The following SLC38A8 variants were observed in gnomAD, a reference collection of about 807,000 sequenced individuals.
SLC38A8 encodes the protein solute carrier family 38 member 8.
A neutral mutation model predicts 46.0 loss-of-function variants in SLC38A8; 65 were observed. The observed-to-expected ratio is 1.41, with a 90% CI of 1.16 to 1.74. The LOEUF (loss-of-function observed/expected upper bound fraction) is 1.74, where lower values mean the gene tolerates loss of function less well. Among genes scored for constraint, SLC38A8 ranks in the 40% most tolerant of loss-of-function variants. The pLI is 0.00. For missense variants in SLC38A8, 998 were observed against 567.9 expected (o/e 1.76, Z -7.70); for synonymous variants, 447 against 243.7 (o/e 1.83, Z -7.77).
chr16:84,017,210 T>C lies in SLC38A8; in HGVS notation c.883A>G (p.Ile295Val), dbSNP rs200861645. Residue 295 changes from isoleucine to valine, a missense_variant, in exon 8 of 11, where the codon ATC (isoleucine) becomes GTC (valine). Transcript: ENST00000299709. ...LMSYPGNDMV[I>V]IVARVLFAVS... is the part of the protein sequence containing the mutation. ...GCAAAAAGGACCCGGGCCACAATGA[T>C]GACCATATCATTGCCTGGGTAGGAC... The C allele has an allele frequency of 7.4e-6, 12 of 1,614,040 alleles. No homozygotes were observed. The highest frequency in any genetic ancestry group is 1.0e-5 in the Non-Finnish European group (12 of 1,180,006).
At chr16:84,036,669 C>T (rs2085302504) in intron 3 of SLC38A8, 33 bp downstream of exon 3, 1 of 1,612,310 alleles carries the variant, frequency 6.2e-7, no homozygotes, top group African/African-American at 1.3e-5. Flanking sequence ...GTCCGGCACC[C>T]TGGGCCACCC....
At chr16:84,021,403 C>G (rs1021097618) in intron 7 of SLC38A8, among the ~76,000 whole-genome samples, 1 of 152,216 alleles carries the variant, frequency 6.6e-6, no homozygotes, top group African/African-American at 2.4e-5. Context: ...ACAAAACCCT[C>G]AGGCATGGAC....
intron 4 of SLC38A8, among the ~76,000 whole-genome samples, chr16:84,033,067 C>G (rs945788407): frequency 6.6e-6 from 1 of 152,002 alleles, no homozygotes; most frequent in Non-Finnish European, 1.5e-5. Context: ...AGGCGTCTCT[C>G]TCTCTCTGCA....
intron 6 of SLC38A8, among the ~76,000 whole-genome samples, chr16:84,025,951 G>A (rs538812177): frequency 1.4e-4 from 22 of 152,316 alleles, no homozygotes; most frequent in Non-Finnish European, 4.4e-5. Flanking sequence ...AGCACTTGTG[G>A]GGCTCACCCC....
chr16:84,017,969 T>G (rs1474408070), intron 7 of SLC38A8, among the ~76,000 whole-genome samples: 1 of 152,202 alleles, frequency 6.6e-6, no homozygotes, highest in Non-Finnish European at 1.5e-5. Context: ...GGACCTCCTC[T>G]GCTGGGGAAG....
chr16:84,026,577 T>TA (rs1421967344), intron 6 of SLC38A8, among the ~76,000 whole-genome samples: 3 of 152,130 alleles, frequency 2.0e-5, no homozygotes, highest in Non-Finnish European at 2.9e-5. Context: ...GGGCAGGCAG[T>TA]ACCCAGGAGG....
At chr16:84,014,407 C>A (rs1357417443) in intron 9 of SLC38A8, among the ~76,000 whole-genome samples, 1 of 151,216 alleles carries the variant, frequency 6.6e-6, no homozygotes, top group South Asian at 2.1e-4. Flanking sequence ...CCGCTCAGAG[C>A]ATGCAGGAGC....
In SLC38A8 at chr16:84,036,862, C is replaced by T; in HGVS notation, c.228G>A (p.Leu76=). The T allele has an allele frequency of 1.2e-6, 2 of 1,613,332 alleles. No homozygotes were observed. Among genetic ancestry groups the T allele is most frequent in the Non-Finnish European group, 1.7e-6 (2 of 1,179,990 alleles). ...LVFLISGLVI[L]GYAAAVSGQA... ...GGCCACTGACAGCAGCAGCATAGCC[C>T]AGGATGACCAGCCCGCTGATCAGGA... The change falls in exon 3 of 11, where the codon CTG becomes CTA. Residue 76 remains leucine (L), a synonymous_variant. Transcript: ENST00000299709.
At chr16:84,022,537 C>T (rs2085106946) in intron 7 of SLC38A8, among the ~76,000 whole-genome samples, 1 of 152,182 alleles carries the variant, frequency 6.6e-6, no homozygotes, top group African/African-American at 2.4e-5. Context: ...GAGTTCAGGT[C>T]TCAGCTTTGC....
intron 5 of SLC38A8, among the ~76,000 whole-genome samples, chr16:84,030,473 C>G (rs114157239): frequency 6.6e-6 from 1 of 152,012 alleles, no homozygotes; most frequent in African/African-American, 2.4e-5. Flanking sequence ...CCTGCCAGCC[C>G]GGACCTCTCT....
At chr16:84,013,379 G>A (rs906908985) in intron 9 of SLC38A8, among the ~76,000 whole-genome samples, 4 of 151,210 alleles carry the variant, frequency 2.6e-5, no homozygotes, top group African/African-American at 9.7e-5. Flanking sequence ...CCCGGGAAGT[G>A]CTCGGCAACT....
At chr16:84,032,182 TGTTTTG>T (rs1013408226) in intron 4 of SLC38A8, among the ~76,000 whole-genome samples, 35 of 11,908 alleles carry the variant, frequency 2.9e-3, no homozygotes, top group South Asian at 0.011. Flanking sequence ...TTGTTGTTGT[TGTTTTG>T]TTGTTGTTGT....
chr16:84,035,335 C>T (rs1422931567), intron 3 of SLC38A8, among the ~76,000 whole-genome samples: 1 of 152,336 alleles, frequency 6.6e-6, no homozygotes, highest in South Asian at 2.1e-4. Context: ...CAAGACACAG[C>T]AGCCTTCAAT....
At chr16:84,022,660 A>C (rs567629581) in intron 7 of SLC38A8, 115 bp downstream of exon 7, 14 of 773,230 alleles carry the variant, frequency 1.8e-5, no homozygotes, top group South Asian at 3.4e-5. Context: ...AAGATGCTCA[A>C]AACATTGAGT....
intron 2 of SLC38A8, 55 bp from the exon 3 acceptor site, chr16:84,036,955 C>T: frequency 6.6e-7 from 1 of 1,509,982 alleles, no homozygotes; most frequent in Non-Finnish European, 8.9e-7. Context: ...CCACCCACCC[C>T]CAGCCAGCCA....
intron 2 of SLC38A8, among the ~76,000 whole-genome samples, chr16:84,038,862 A>T (rs2085333335): frequency 6.6e-6 from 1 of 152,224 alleles, no homozygotes; most frequent in African/African-American, 2.4e-5. Context: ...TTTTGCTAAA[A>T]GGCCATTGTC....
Position 84,036,868 on chromosome 16 carries a change from G to A in SLC38A8, c.222C>T (p.Val74=), listed in dbSNP as rs199627274. ...TGACAGCAGCAGCATAGCCCAGGAT[G>A]ACCAGCCCGCTGATCAGGAAGACCA... ...VSLVFLISGL[V]ILGYAAAVSG... is the part of the protein sequence containing the mutation. The change falls in exon 3 of 11, where the codon GTC becomes GTT. Residue 74 remains valine (V), a synonymous_variant. Transcript: ENST00000299709. 2 of 1,613,200 alleles carry A rather than the reference G, an allele frequency of 1.2e-6. No individual in the cohort carries two copies. Among genetic ancestry groups the A allele is most frequent in the East Asian group, 2.2e-5 (1 of 44,870 alleles).
rs199701593 is a variant in SLC38A8, at chr16:84,027,360, AAAAC to A, written c.690+2130_690+2133del. ...GCAAGTCTGCCACAAAAGCAAAATT[AAAAC>A]AAACAAACAAACAAACAAACAAACA... is the stretch of plus-strand genomic sequence containing the variant. On this transcript the variant is annotated intron_variant, in intron 6 of 10. Coordinates refer to ENST00000299709, the MANE Select transcript of SLC38A8 (RefSeq NM_001080442.3). Among the ~76,000 whole-genome samples the A allele has an allele frequency of 8.0e-3, 1,200 of 150,462 alleles. 13 individuals carry two copies. Among genetic ancestry groups the A allele is most frequent in the African/African-American group, 0.024 (946 of 39,950 alleles).
In SLC38A8 at chr16:84,042,266, G is replaced by C. The variant is rs966279222; in HGVS notation, c.-2-107C>G. ...CAACTCAGTGAGAGCTCCCTGAGCC[G>C]CTCCTGCCCGCTTCCTTGGCGTCAG... is the stretch of plus-strand genomic sequence containing the variant. On this transcript the variant is annotated intron_variant, in intron 1 of 10. Transcript: ENST00000299709. The C allele has an allele frequency of 2.2e-5, 27 of 1,202,858 alleles. 1 individual carries two copies. The African/African-American group carries it at 2.8e-4, about 12-fold the overall frequency. 74.5% of individuals were successfully genotyped at this position (1,202,858 alleles called of 1,614,324 possible).
Sources: gnomAD v4.1 joint callset for allele counts (sites outside exome capture counted in the v4.1 genomes callset) on GRCh38, gnomAD v4.1.1 for gene constraint, MANE v1.5 for transcripts, NCBI Gene and HGNC (gene_info 2026-07-23, HGNC 2026-07-21) for gene names.